GABBR2: variants seen among roughly 807,000 people sequenced by gnomAD.
GABBR2 encodes the protein G-protein coupled receptor 51.
In GABBR2, 23 loss-of-function variants were observed where a neutral mutation model predicts 105.6. That is an observed-to-expected ratio of 0.22 (90% confidence interval 0.16 to 0.31). GABBR2 has a LOEUF of 0.31. Among genes scored for constraint, GABBR2 ranks in the 10% least tolerant of loss-of-function variants. GABBR2 has a pLI of 1.00. For missense variants in GABBR2, 734 were observed against 1,245.5 expected, an observed-to-expected ratio of 0.59 and a Z score of 6.18; for synonymous variants, 478 against 499.7, an observed-to-expected ratio of 0.96 and a Z score of 0.58.
intron 13 of GABBR2, among the ~76,000 whole-genome samples, chr9:98,335,635 C>A (rs1831101102): frequency 6.6e-6 from 1 of 151,922 alleles, no homozygotes; most frequent in Non-Finnish European, 1.5e-5. Context: ...GGATTGAGAA[C>A]CACGAGTCAA....
In GABBR2 at chr9:98,316,979, C is replaced by A. The variant is rs78912398; in HGVS notation, c.1894-5774G>T. Among the ~76,000 whole-genome samples the A allele has an allele frequency of 3.9e-3, 596 of 152,336 alleles. 1 individual carries two copies. Among genetic ancestry groups the A allele is most frequent in the Non-Finnish European group, 6.7e-3 (459 of 68,032 alleles). The stretch of plus-strand genomic sequence containing the variant: ...TGAGCCTTCCCTGATGTGCCCTCCT[C>A]TCACGTGCATCATTGTGTCAAATCG... On this transcript the variant is annotated intron_variant, in intron 13 of 18. Transcript: ENST00000259455.
chr9:98,510,538 G>C (rs1827617973), intron 3 of GABBR2, among the ~76,000 whole-genome samples: 1 of 152,084 alleles, frequency 6.6e-6, no homozygotes, highest in Non-Finnish European at 1.5e-5. Context: ...CTCATGTGCA[G>C]AGACACACAT....
intron 14 of GABBR2, among the ~76,000 whole-genome samples, chr9:98,310,592 G>A (rs1830620347): frequency 6.6e-6 from 1 of 151,976 alleles, no homozygotes; most frequent in Non-Finnish European, 1.5e-5. Flanking sequence ...AGAGTGCTGG[G>A]TTTGCAGTTT....
chr9:98,357,390 G>C (rs2131435300), intron 13 of GABBR2, among the ~76,000 whole-genome samples: 1 of 152,262 alleles, frequency 6.6e-6, no homozygotes, highest in African/African-American at 2.4e-5. Flanking sequence ...GCTCATTCCT[G>C]TCATCGCGGC....
intron 1 of GABBR2, among the ~76,000 whole-genome samples, chr9:98,656,044 A>G (rs1435073252): frequency 6.6e-6 from 1 of 152,192 alleles, no homozygotes; most frequent in Non-Finnish European, 1.5e-5. Flanking sequence ...GTCCTAAGCA[A>G]AGGGTTGATA....
intron 8 of GABBR2, among the ~76,000 whole-genome samples, chr9:98,395,977 G>A (rs546321822): frequency 3.9e-5 from 6 of 152,110 alleles, no homozygotes; most frequent in Non-Finnish European, 8.8e-5. Context: ...GGTGGTCTCA[G>A]TCCCACTTAA....
At chr9:98,536,571 C>T (rs892205177) in intron 3 of GABBR2, among the ~76,000 whole-genome samples, 8 of 152,090 alleles carry the variant, frequency 5.3e-5, no homozygotes, top group Admixed American at 2.0e-4. Context: ...CTCCTGGGCC[C>T]GCAGTGCCCA....
intron 2 of GABBR2, among the ~76,000 whole-genome samples, chr9:98,573,940 C>T (rs1331933926): frequency 6.6e-6 from 1 of 152,168 alleles, no homozygotes; most frequent in Non-Finnish European, 1.5e-5. Context: ...GAAGATATCA[C>T]CCCCTATTGG....
At chr9:98,384,829 T>C (rs1236755233) in intron 11 of GABBR2, among the ~76,000 whole-genome samples, 5 of 152,208 alleles carry the variant, frequency 3.3e-5, no homozygotes, top group African/African-American at 1.2e-4. Context: ...CATAGATATA[T>C]ATATAAAGTA....
At chr9:98,336,173 C>T (rs1449538040) in intron 13 of GABBR2, among the ~76,000 whole-genome samples, 2 of 151,848 alleles carry the variant, frequency 1.3e-5, no homozygotes, top group African/African-American at 4.8e-5. Flanking sequence ...GAAGAGCGTT[C>T]CAGGCAGAAG....
intron 2 of GABBR2, among the ~76,000 whole-genome samples, chr9:98,556,613 G>C (rs1384839656): frequency 6.6e-6 from 1 of 152,140 alleles, no homozygotes; most frequent in Non-Finnish European, 1.5e-5. Flanking sequence ...AGTGAGTGCC[G>C]CTGTGTGCCT....
At position 98,585,236 on chromosome 9, in the gene GABBR2, C is replaced by G. The variant is rs1268022036; in HGVS notation, c.322-7164G>C. Among the ~76,000 whole-genome samples the G allele has an allele frequency of 2.0e-5, 3 of 152,014 alleles. No individual in the cohort carries two copies. The South Asian group carries it at 6.2e-4, about 32-fold the overall frequency. ...TTCACAATTAGCAAAGACTTGGAAC[C>G]AACCTAAATGTCCAACAACGATAGA... On this transcript the variant is annotated intron_variant, in intron 1 of 18. Transcript: ENST00000259455.
At chr9:98,321,818 T>A (rs1182239776) in intron 13 of GABBR2, among the ~76,000 whole-genome samples, 1 of 152,074 alleles carries the variant, frequency 6.6e-6, no homozygotes, top group Admixed American at 6.5e-5. Flanking sequence ...ACTAAATGAC[T>A]GAGAGAGAAA....
chr9:98,487,158 C>T (rs1827072920), intron 4 of GABBR2, among the ~76,000 whole-genome samples: 1 of 152,124 alleles, frequency 6.6e-6, no homozygotes, highest in South Asian at 2.1e-4. Flanking sequence ...AAAAATAATA[C>T]CTTTTCGTCT....
chr9:98,589,960 A>G (rs937740503), intron 1 of GABBR2, among the ~76,000 whole-genome samples: 1 of 152,148 alleles, frequency 6.6e-6, no homozygotes, highest in Non-Finnish European at 1.5e-5. Flanking sequence ...AACTCCCAGT[A>G]TCAAGCAATC....
chr9:98,620,024 A>G (rs1426301938), intron 1 of GABBR2, among the ~76,000 whole-genome samples: 1 of 152,194 alleles, frequency 6.6e-6, no homozygotes, highest in African/African-American at 2.4e-5. Flanking sequence ...CCTGTCTTAC[A>G]GAGAGGCTGT....
intron 1 of GABBR2, chr9:98,607,300 G>GTGTAGC (rs1829440638): frequency 3.5e-6 from 3 of 846,956 alleles, no homozygotes; most frequent in Non-Finnish European, 6.2e-6. Flanking sequence ...CCTGATAACG[G>GTGTAGC]TGTAGCGTTG....
intron 6 of GABBR2, among the ~76,000 whole-genome samples, chr9:98,470,516 G>A (rs1026018971): frequency 2.0e-5 from 3 of 152,082 alleles, no homozygotes; most frequent in African/African-American, 7.2e-5. Context: ...TCTCCCACCG[G>A]GTCCCTCCCA....
chr9:98,453,002 C>G (rs534373140), intron 7 of GABBR2, among the ~76,000 whole-genome samples: 1 of 152,358 alleles, frequency 6.6e-6, no homozygotes, highest in African/African-American at 2.4e-5. Context: ...TGTGCCTGCA[C>G]TGTGTGCGCA....
Sources: gnomAD v4.1 joint callset for allele counts (sites outside exome capture counted in the v4.1 genomes callset) on GRCh38, gnomAD v4.1.1 for gene constraint, MANE v1.5 for transcripts, NCBI Gene and HGNC (gene_info 2026-07-23, HGNC 2026-07-21) for gene names.